Variants in CTNND2 observed in about 807,000 individuals in gnomAD.
CTNND2 encodes catenin delta 2.
Under a neutral mutation model 144.4 loss-of-function variants are expected in CTNND2, and 22 were observed. That is an observed-to-expected ratio of 0.15 (90% confidence interval 0.11 to 0.22). The LOEUF (loss-of-function observed/expected upper bound fraction) is 0.22. Ranked by LOEUF, CTNND2 falls within the 10% of genes least tolerant of loss-of-function variation. The pLI, the probability that CTNND2 is intolerant of heterozygous loss-of-function variation, is 1.00. For missense variants in CTNND2, 1,353 were observed against 1,618.8 expected (o/e 0.84, Z 2.82); for synonymous variants, 751 against 695.6 (o/e 1.08, Z -1.25).
intron 9 of CTNND2, among the ~76,000 whole-genome samples, chr5:11,285,063 ATAATT>A (rs1747585107): frequency 6.6e-6 from 1 of 152,182 alleles, no homozygotes; most frequent in Non-Finnish European, 1.5e-5. Context: ...AAGAATACTG[ATAATT>A]TAGTTTAGAG....
intron 2 of CTNND2, among the ~76,000 whole-genome samples, chr5:11,623,808 G>GTGTATA (rs1159127816): frequency 2.5e-5 from 1 of 40,736 alleles, no homozygotes; most frequent in East Asian, 8.3e-4. Flanking sequence ...ATGTGTGTAT[G>GTGTATA]TATATATATA....
chr5:11,813,909 A>G lies in CTNND2; in HGVS notation c.38-81637T>C, dbSNP rs73064635. Among the ~76,000 whole-genome samples, 702 of 152,324 alleles carry G rather than the reference A, an allele frequency of 4.6e-3. 9 individuals are homozygous for G. The highest frequency in any genetic ancestry group is 0.016 in the African/African-American group (685 of 41,578). ...TTCATGCTTTACCACACGGCTACTG[A>G]TGGGCACACTTTTAATACTCCAGGT... On this transcript the variant is annotated intron_variant, in intron 1 of 21. Coordinates refer to ENST00000304623, the MANE Select transcript of CTNND2 (RefSeq NM_001332.4).
chr5:11,151,418 C>T (rs1261019865), intron 12 of CTNND2, among the ~76,000 whole-genome samples: 2 of 152,038 alleles, frequency 1.3e-5, no homozygotes, highest in Non-Finnish European at 2.9e-5. Flanking sequence ...GAGCTAATAC[C>T]CTGTACTAAT....
At chr5:11,801,629 AT>A (rs930984345) in intron 1 of CTNND2, among the ~76,000 whole-genome samples, 3 of 151,648 alleles carry the variant, frequency 2.0e-5, no homozygotes, top group Admixed American at 6.6e-5. Flanking sequence ...GCAGCAACCA[AT>A]TTTTTTTTCT....
At chr5:11,842,082 T>G (rs1015406138) in intron 1 of CTNND2, among the ~76,000 whole-genome samples, 1 of 151,952 alleles carries the variant, frequency 6.6e-6, no homozygotes, top group Non-Finnish European at 1.5e-5. Context: ...GCAAGAGATG[T>G]AATTTGCTGA....
intron 2 of CTNND2, among the ~76,000 whole-genome samples, chr5:11,669,453 C>T (rs1783756672): frequency 6.6e-6 from 1 of 152,140 alleles, no homozygotes; most frequent in Non-Finnish European, 1.5e-5. Flanking sequence ...TGTTATTGAT[C>T]TGTTCAGAGA....
chr5:11,902,276 T>C (rs980478580), intron 1 of CTNND2, among the ~76,000 whole-genome samples: 1 of 152,208 alleles, frequency 6.6e-6, no homozygotes, highest in Non-Finnish European at 1.5e-5. Flanking sequence ...TAAAAGACAT[T>C]TGAGGGCAGT....
At chr5:11,793,137 T>C (rs1162772992) in intron 1 of CTNND2, among the ~76,000 whole-genome samples, 20 of 152,362 alleles carry the variant, frequency 1.3e-4, no homozygotes, top group Middle Eastern at 3.4e-3. Context: ...TACAGTTTGC[T>C]GTGCTATTGG....
chr5:11,899,705 C>T (rs1419430166), intron 1 of CTNND2, among the ~76,000 whole-genome samples: 2 of 152,170 alleles, frequency 1.3e-5, no homozygotes, highest in East Asian at 3.8e-4. Flanking sequence ...TTACAAGCCA[C>T]TTATCCATGC....
chr5:11,598,857 C>A (rs780749141), intron 2 of CTNND2, among the ~76,000 whole-genome samples: 1 of 152,052 alleles, frequency 6.6e-6, no homozygotes, highest in Non-Finnish European at 1.5e-5. Flanking sequence ...ACGCTGCTAT[C>A]AAGAACTACC....
chr5:11,174,483 G>A (rs1426349865), intron 11 of CTNND2, among the ~76,000 whole-genome samples: 1 of 152,168 alleles, frequency 6.6e-6, no homozygotes, highest in Non-Finnish European at 1.5e-5. Context: ...TTGAATGTCA[G>A]TGGAAACCTT....
intron 2 of CTNND2, among the ~76,000 whole-genome samples, chr5:11,671,138 G>A (rs1783856224): frequency 6.6e-6 from 1 of 152,196 alleles, no homozygotes; most frequent in African/African-American, 2.4e-5. Context: ...TTTCTGCTGA[G>A]AGATCCGCTG....
intron 2 of CTNND2, among the ~76,000 whole-genome samples, chr5:11,643,630 C>G (rs1164592101): frequency 1.3e-5 from 2 of 152,014 alleles, no homozygotes; most frequent in African/African-American, 4.8e-5. Flanking sequence ...TTAATCCAGT[C>G]TATCATTGTA....
chr5:11,136,264 C>G (rs551914374), intron 12 of CTNND2, among the ~76,000 whole-genome samples: 38 of 152,182 alleles, frequency 2.5e-4, no homozygotes, highest in African/African-American at 7.7e-4. Context: ...AGACTGCCAG[C>G]CTTTTTAGCT....
intron 10 of CTNND2, among the ~76,000 whole-genome samples, chr5:11,203,776 T>A (rs1449037866): frequency 2.0e-5 from 3 of 152,246 alleles, no homozygotes; most frequent in African/African-American, 7.2e-5. Context: ...TTGTTATTTA[T>A]ATATAATTCA....
At chr5:11,371,968 T>C (rs1344110493) in intron 7 of CTNND2, among the ~76,000 whole-genome samples, 1 of 152,194 alleles carries the variant, frequency 6.6e-6, no homozygotes, top group African/African-American at 2.4e-5. Context: ...TCCTATTTCA[T>C]CATATTTCAT....
In CTNND2 at chr5:11,127,682, C is replaced by T. The variant is rs541768781; in HGVS notation, c.2160-10115G>A. On this transcript the variant is annotated intron_variant, in intron 12 of 21. Coordinates refer to ENST00000304623, the MANE Select transcript of CTNND2 (RefSeq NM_001332.4). ...GGAGTGTCTATAATTGTTACTATGTCGTCCCATCACTGCATGTTGGGAGCA... is the reference window on the plus strand; with the variant it reads ...GGAGTGTCTATAATTGTTACTATGTTGTCCCATCACTGCATGTTGGGAGCA... Among the ~76,000 whole-genome samples the T allele has an allele frequency of 4.8e-4, 73 of 152,156 alleles. 2 individuals carry two copies. In the South Asian group the frequency reaches 0.012, roughly 26 times the overall value.
intron 3 of CTNND2, among the ~76,000 whole-genome samples, chr5:11,541,152 G>T (rs1469308278): frequency 6.6e-6 from 1 of 152,078 alleles, no homozygotes; most frequent in South Asian, 2.1e-4. Flanking sequence ...GCCTCACCTG[G>T]AGTACTCCAA....
intron 3 of CTNND2, among the ~76,000 whole-genome samples, chr5:11,446,140 T>C (rs924986619): frequency 6.6e-5 from 10 of 152,286 alleles, no homozygotes; most frequent in African/African-American, 2.4e-4. Flanking sequence ...CACAACTAAT[T>C]TTTGTATTTT....
Sources: gnomAD v4.1 joint callset for allele counts (sites outside exome capture counted in the v4.1 genomes callset) on GRCh38, gnomAD v4.1.1 for gene constraint, MANE v1.5 for transcripts, NCBI Gene and HGNC (gene_info 2026-07-23, HGNC 2026-07-21) for gene names.